SLC19A1: variants seen among roughly 807,000 people sequenced by gnomAD.
The protein encoded by SLC19A1 is reduced folate transporter.
Under a neutral mutation model 35.3 loss-of-function variants are expected in SLC19A1, and 37 were observed. That is an observed-to-expected ratio of 1.05 (90% CI 0.81 to 1.38). SLC19A1 has a LOEUF of 1.38. SLC19A1 is among the 40% of genes most tolerant of loss of function. The probability of loss-of-function intolerance (pLI) is 0.00; values close to 1 mark genes in which losing one functional copy is unlikely to be tolerated. For synonymous variants in SLC19A1, 460 were observed against 398.5 expected (o/e 1.15, Z -1.84); for missense variants, 831 against 826.9 (o/e 1.00, Z -0.06).
Position 45,525,162 on chromosome 21 carries a change from C to T in SLC19A1, c.1293+655G>A, listed in dbSNP as rs531856537. Among the ~76,000 whole-genome samples the T allele has an allele frequency of 2.0e-4, 31 of 152,356 alleles. No individual in the cohort carries two copies. In the East Asian group the frequency reaches 5.8e-3, roughly 28 times the overall value. On this transcript the variant is annotated intron_variant, in intron 5 of 5. Coordinates refer to ENST00000311124, the MANE Select transcript of SLC19A1 (RefSeq NM_194255.4). Reference sequence around the variant, plus strand: ...GATCAGGACTAACCCTGACAGTCCTCCTGCCCAGTGAGACCTGGGCCCCAG... The same window carrying T: ...GATCAGGACTAACCCTGACAGTCCTTCTGCCCAGTGAGACCTGGGCCCCAG...
rs1446310146 is a variant in SLC19A1 at position 45,530,505 on chromosome 21, G to C, written c.1151+265C>G. On this transcript the variant is annotated intron_variant, in intron 4 of 5. Transcript: ENST00000311124. The surrounding 1 kb of genome is among the most constrained non-coding windows in gnomAD (Gnocchi z 5.3). ...TCAGCAGCCCGGGGCCTAGAGGGTG[G>C]GGTTGGGAGCAGGGCAAGGCTGTGA... is the stretch of plus-strand genomic sequence containing the variant. Among the ~76,000 whole-genome samples, 1 of 152,138 alleles carries C rather than the reference G, an allele frequency of 6.6e-6. No individual in the cohort carries two copies. The highest frequency in any genetic ancestry group is 2.4e-5 in the African/African-American group (1 of 41,428).
chr21:45,539,277 T>G (rs2078230491), intron 1 of SLC19A1, among the ~76,000 whole-genome samples: 1 of 152,222 alleles, frequency 6.6e-6, no homozygotes, highest in Non-Finnish European at 1.5e-5. Flanking sequence ...AGGCCAGGCC[T>G]GGCAGAGTGC....
Position 45,531,560 on chromosome 21 carries a change from C to T in SLC19A1, c.778G>A (p.Asp260Asn). The T allele has an allele frequency of 1.2e-6, 2 of 1,612,318 alleles. No individual in the cohort carries two copies. Among genetic ancestry groups the T allele is most frequent in the Non-Finnish European group, 8.5e-7 (1 of 1,179,662 alleles). ...VLARMLRELG[D>N]SLRRPQLRLW... ...CGCAGCTGCGGCCGCCGCAGGCTGT[C>T]CCCCAGCTCCCGCAGCATCCGCGCC... The change falls in exon 3 of 6, where the codon GAC (aspartate) becomes AAC (asparagine). Residue 260 changes from aspartate to asparagine, a missense_variant. By Grantham distance (23) the Asp-to-Asn change is conservative. Coordinates refer to ENST00000311124, the MANE Select transcript of SLC19A1 (RefSeq NM_194255.4).
downstream of SLC19A1, among the ~76,000 whole-genome samples, chr21:45,507,908 G>A (rs1042379967): frequency 2.6e-5 from 4 of 152,212 alleles, no homozygotes; most frequent in African/African-American, 7.2e-5. Flanking sequence ...CACATCTTGT[G>A]TCTTTGCCTT....
At chr21:45,541,009 C>T (rs1273876743) in intron 1 of SLC19A1, among the ~76,000 whole-genome samples, 1 of 139,262 alleles carries the variant, frequency 7.2e-6, no homozygotes, top group Non-Finnish European at 1.6e-5. Flanking sequence ...TTTTTTAGAA[C>T]GCCTGCTAGT....
At position 45,514,553 on chromosome 21, in the gene SLC19A1, G is replaced by T; in HGVS notation, c.*1105C>A. The T allele has an allele frequency of 6.3e-6, 1 of 159,664 alleles. No homozygotes were observed. The highest frequency in any genetic ancestry group is 1.4e-5 in the Non-Finnish European group (1 of 73,254). 9.9% of individuals were successfully genotyped at this position (159,664 alleles called of 1,614,324 possible). A position where few individuals can be genotyped will look rare whatever the true frequency, so the allele number is the denominator to read the frequency against. ...GATGTGGCAGAGGCCCCACAGGATA[G>T]GGCCGTTGACTAGGGTTGTGGGGGT... On this transcript the variant is annotated 3_prime_UTR_variant, in exon 6 of 6. Transcript: ENST00000311124.
At chr21:45,537,236 C>G (rs964261308) in intron 2 of SLC19A1, among the ~76,000 whole-genome samples, 3 of 152,148 alleles carry the variant, frequency 2.0e-5, no homozygotes, top group Non-Finnish European at 4.4e-5. Flanking sequence ...GTTACTAGGC[C>G]GAAGCCAGGC....
upstream of SLC19A1, among the ~76,000 whole-genome samples, chr21:45,545,117 A>G (rs750044967): frequency 7.2e-5 from 11 of 152,236 alleles, no homozygotes; most frequent in Non-Finnish European, 1.6e-4. Context: ...ATCCATGCAG[A>G]CGTGCAGAGA....
downstream of SLC19A1, chr21:45,511,338 C>T (rs2037597476): frequency 8.6e-6 from 6 of 698,014 alleles, no homozygotes; most frequent in Non-Finnish European, 1.6e-5. Context: ...CTTATACATG[C>T]TCATTACTTT....
At chr21:45,516,949 G>A (rs1010097554) in intron 5 of SLC19A1, among the ~76,000 whole-genome samples, 2 of 152,190 alleles carry the variant, frequency 1.3e-5, no homozygotes, top group African/African-American at 4.8e-5. Flanking sequence ...GGGCTGACAC[G>A]CTTCTCCCTG....
downstream of SLC19A1, among the ~76,000 whole-genome samples, chr21:45,511,859 G>T (rs987668472): frequency 1.3e-5 from 2 of 152,196 alleles, no homozygotes; most frequent in Non-Finnish European, 2.9e-5. Context: ...CCCGGGAGGC[G>T]GAGCTGGTTC....
chr21:45,549,422 A>G (rs1246619965), intron 1 of SLC19A1, among the ~76,000 whole-genome samples: 1 of 151,650 alleles, frequency 6.6e-6, no homozygotes, highest in Admixed American at 6.6e-5. Flanking sequence ...ACTGCTTCTA[A>G]TGGGTGCAAT....
chr21:45,518,621 A>G lies in SLC19A1; in HGVS notation c.1294-2481T>C, dbSNP rs192785835. Among the ~76,000 whole-genome samples the G allele has an allele frequency of 9.2e-5, 14 of 152,332 alleles. No individual in the cohort carries two copies. The East Asian group carries it at 2.7e-3, about 29-fold the overall frequency. On this transcript the variant is annotated intron_variant, in intron 5 of 5. Transcript: ENST00000311124. ...AAAAATCTTGGAAGTGGCCAGAGAA[A>G]AATGACACTTTACGGGCAAGCAATT...
chr21:45,558,262 G>C (rs1602963184), intron 1 of SLC19A1, among the ~76,000 whole-genome samples: 1 of 152,364 alleles, frequency 6.6e-6, no homozygotes, highest in South Asian at 2.1e-4. Context: ...GACCCCCCAA[G>C]TCCAGGTGGG....
intron 1 of SLC19A1, among the ~76,000 whole-genome samples, chr21:45,561,490 G>A (rs2078614484): frequency 6.6e-6 from 1 of 152,226 alleles, no homozygotes; most frequent in Admixed American, 6.5e-5. Flanking sequence ...GCCGGGCGCG[G>A]TGGCTCATGC....
Position 45,532,147 on chromosome 21 carries a change from A to G in SLC19A1, c.191T>C (p.Val64Ala). 1 of 1,590,222 alleles carries G rather than the reference A, an allele frequency of 6.3e-7. No individual in the cohort carries two copies. The highest frequency in any genetic ancestry group is 1.3e-5 in the African/African-American group (1 of 74,624). ...GPDKNFTREQ[V>A]TNEITPVLSY... ...CAGCACCGGCGTGATCTCGTTCGTG[A>G]CCTGCGGACAGGCGGGCGTGCGCCC... Residue 64 changes from valine (V) to alanine (A), a missense_variant and splice_region_variant, in exon 3 of 6, where the codon GTC (valine) becomes GCC (alanine). Physicochemically the swap from Val to Ala is moderately conservative, Grantham distance 64. Transcript: ENST00000311124.
chr21:45,509,546 G>C, downstream of SLC19A1: 1 of 1,536,994 alleles, frequency 6.5e-7, no homozygotes, highest in Non-Finnish European at 8.7e-7. Flanking sequence ...GTGCACCTGC[G>C]GCCGGCGCGA....
At chr21:45,527,509 T>G (rs1602766212) in intron 4 of SLC19A1, among the ~76,000 whole-genome samples, 2 of 118,516 alleles carry the variant, frequency 1.7e-5, no homozygotes, top group Non-Finnish European at 1.7e-5. Context: ...GCCCTGGAGG[T>G]GAGTGGCAGC....
chr21:45,504,400 G>GTGTT (rs1453838630), intron 3 of SLC19A1: 1 of 1,610,012 alleles, frequency 6.2e-7, no homozygotes, highest in Non-Finnish European at 8.5e-7. Flanking sequence ...CGTGTAACAA[G>GTGTT]TGTTTCCGTC....
Sources: allele counts gnomAD v4.1 joint callset (sites outside exome capture counted in the v4.1 genomes callset), GRCh38; gene constraint gnomAD v4.1.1; non-coding constraint Gnocchi (gnomAD v3.1); transcripts MANE v1.5; gene names NCBI Gene and HGNC (gene_info 2026-07-23, HGNC 2026-07-21).